TMEM9: variants seen among roughly 807,000 people sequenced by gnomAD.
TMEM9 encodes the protein proton-transporting V-type ATPase complex assembly regulator TMEM9.
In TMEM9, 13 loss-of-function variants were observed where a neutral mutation model predicts 22.8. The ratio of observed to expected loss-of-function variants is 0.57; its 90% CI spans 0.37 to 0.91. The LOEUF (loss-of-function observed/expected upper bound fraction) is 0.91. TMEM9 is among the 40% of genes least tolerant of loss of function. TMEM9 has a pLI of 0.01. For missense variants in TMEM9, 182 were observed against 238.1 expected (o/e 0.76, Z 1.55); for synonymous variants, 88 against 93.0 (o/e 0.95, Z 0.31).
intron 1 of TMEM9, among the ~76,000 whole-genome samples, chr1:201,162,290 C>T (rs1049470223): frequency 4.6e-5 from 7 of 151,936 alleles, no homozygotes; most frequent in African/African-American, 1.7e-4. Context: ...GCTACCATGC[C>T]AGGCTAATTT....
intron 1 of TMEM9, among the ~76,000 whole-genome samples, chr1:201,169,003 A>G (rs901683331): frequency 8.1e-5 from 11 of 136,246 alleles, no homozygotes; most frequent in Non-Finnish European, 1.2e-4. Flanking sequence ...GGGTCTCACT[A>G]CGTTGCCCGA....
Position 201,143,917 on chromosome 1 carries a change from G to A in TMEM9, c.302C>T (p.Ala101Val). 2 of 1,614,118 alleles carry A rather than the reference G, an allele frequency of 1.2e-6. No individual in the cohort carries two copies. Residue 101 changes from alanine to valine, a missense_variant, in exon 4 of 5, where the codon GCC becomes GTC. Transcript: ENST00000367330. ...IIVIYLSVVG[A>V]LLLYMAFLML... Reference sequence around the variant, plus strand: ...CAGGAAGGCCATGTAGAGCAACAGGGCACCCACCACGGACAGGTAGATGAC... The same window carrying A: ...CAGGAAGGCCATGTAGAGCAACAGGACACCCACCACGGACAGGTAGATGAC...
intron 4 of TMEM9, 98 bp downstream of exon 4, chr1:201,143,722 G>T: frequency 8.0e-7 from 1 of 1,248,702 alleles, no homozygotes; most frequent in Non-Finnish European, 1.1e-6. Context: ...GAAGCATTTT[G>T]GGGAGGTGGG....
intron 1 of TMEM9, 111 bp downstream of exon 1, chr1:201,153,747 G>A: frequency 6.4e-7 from 1 of 1,566,554 alleles, no homozygotes; most frequent in Non-Finnish European, 8.7e-7. Flanking sequence ...TGGCCCATAG[G>A]TGAGTGAGAG....
chr1:201,160,670 C>G (rs1369467221), intron 1 of TMEM9, among the ~76,000 whole-genome samples: 4 of 150,834 alleles, frequency 2.7e-5, no homozygotes, highest in South Asian at 2.1e-4. Flanking sequence ...GGCGCAGTGG[C>G]TCAGGCCTGT....
intron 1 of TMEM9, among the ~76,000 whole-genome samples, chr1:201,167,228 C>T (rs755727159): frequency 3.9e-5 from 6 of 152,164 alleles, no homozygotes; most frequent in Non-Finnish European, 7.3e-5. Context: ...TTAATTGATG[C>T]GGGGCCAGCC....
intron 4 of TMEM9, among the ~76,000 whole-genome samples, chr1:201,136,378 C>T (rs1266810190): frequency 6.6e-6 from 1 of 152,168 alleles, no homozygotes; most frequent in Non-Finnish European, 1.5e-5. Flanking sequence ...GTCTGGCTAC[C>T]CTGAGATGGC....
rs74524553 is a variant in TMEM9 at position 201,168,084 on chromosome 1, C to T, written c.-37+3406G>A. On this transcript the variant is annotated intron_variant, in intron 1 of 5. Coordinates refer to the TMEM9 transcript ENST00000367333. ...GTTTGTGAAAATTATCCATATTGTT[C>T]TATGTAGCAGTTCATTCATTTGCAT... Among the ~76,000 whole-genome samples the T allele has an allele frequency of 3.9e-3, 590 of 152,286 alleles. 10 individuals are homozygous for T. The highest frequency in any genetic ancestry group is 0.013 in the African/African-American group (559 of 41,542).
intron 1 of TMEM9, among the ~76,000 whole-genome samples, chr1:201,165,702 T>C (rs565193609): frequency 6.6e-6 from 1 of 152,314 alleles, no homozygotes; most frequent in South Asian, 2.1e-4. Flanking sequence ...CCCAAAGTGC[T>C]GGGATTATAG....
chr1:201,153,794 C>T lies in TMEM9; in HGVS notation c.66+64G>A, dbSNP rs1309689065. 2.5e-6 allele frequency: 4 copies of T among 1,606,714 alleles called. No homozygotes were observed. The South Asian group carries it at 3.3e-5, about 13-fold the overall frequency. On this transcript the variant is annotated intron_variant, in intron 1 of 4. Coordinates refer to ENST00000367330, the MANE Select transcript of TMEM9 (RefSeq NM_001288565.2). ...GAGCAGCTGGCTACCTCTGAGTCAG[C>T]CCTGTAGACAGGGTGGCCGTGCACT...
rs1317615299 is a variant in TMEM9 at position 201,154,059 on chromosome 1, G to T, written c.-136C>A. The T allele has an allele frequency of 9.4e-7, 1 of 1,059,948 alleles. No individual in the cohort carries two copies. The highest frequency in any genetic ancestry group is 1.3e-6 in the Non-Finnish European group (1 of 752,988). The allele number at this position is 1,059,948 out of a possible 1,614,324, so 65.7% of individuals were successfully genotyped here. ...CCGGCCAAGTGGGAATGGGGTTGGGGGCTGGGCTCCAGGATTCCAAGGCCT... is the reference window on the plus strand; with the variant it reads ...CCGGCCAAGTGGGAATGGGGTTGGGTGCTGGGCTCCAGGATTCCAAGGCCT... On this transcript the variant is annotated 5_prime_UTR_variant, in exon 1 of 5. Coordinates refer to ENST00000367330, the MANE Select transcript of TMEM9 (RefSeq NM_001288565.2).
intron 4 of TMEM9, among the ~76,000 whole-genome samples, chr1:201,142,175 G>A (rs890870779): frequency 4.6e-5 from 7 of 152,136 alleles, no homozygotes; most frequent in Non-Finnish European, 1.0e-4. Context: ...CTCCACCTTC[G>A]GCCAAACTCA....
chr1:201,166,019 A>C (rs957709064), intron 1 of TMEM9, among the ~76,000 whole-genome samples: 51 of 152,318 alleles, frequency 3.3e-4, no homozygotes, highest in African/African-American at 1.2e-3. Flanking sequence ...CCTTCAGCTG[A>C]TAGAAAAATG....
chr1:201,161,809 G>C (rs771787216), intron 1 of TMEM9, among the ~76,000 whole-genome samples: 17 of 152,166 alleles, frequency 1.1e-4, no homozygotes, highest in Non-Finnish European at 2.1e-4. Flanking sequence ...TCCTTTCCCT[G>C]AGTATTAACA....
chr1:201,170,048 G>T (rs1025792124), intron 1 of TMEM9, among the ~76,000 whole-genome samples: 3 of 152,142 alleles, frequency 2.0e-5, no homozygotes, highest in African/African-American at 7.2e-5. Context: ...TTGTTGGAAA[G>T]AAGTGGGAAA....
chr1:201,136,736 T>C (rs1002175097), intron 4 of TMEM9, among the ~76,000 whole-genome samples: 4 of 152,208 alleles, frequency 2.6e-5, no homozygotes, highest in Admixed American at 6.5e-5. Context: ...GAACCTGATC[T>C]TTGGAGAGAA....
At chr1:201,166,095 A>G (rs1482574344) in intron 1 of TMEM9, among the ~76,000 whole-genome samples, 1 of 152,176 alleles carries the variant, frequency 6.6e-6, no homozygotes, top group Non-Finnish European at 1.5e-5. Flanking sequence ...CACACAGCAC[A>G]GGCACCATCC....
chr1:201,144,210 GGAA>G (rs1664770647), intron 3 of TMEM9: 1 of 391,532 alleles, frequency 2.6e-6, no homozygotes, highest in Non-Finnish European at 4.7e-6. Flanking sequence ...AGATGACAGA[GGAA>G]GAAGTCTGGA....
At chr1:201,142,033 T>C (rs1664569122) in intron 4 of TMEM9, among the ~76,000 whole-genome samples, 1 of 152,176 alleles carries the variant, frequency 6.6e-6, no homozygotes, top group Non-Finnish European at 1.5e-5. Flanking sequence ...TCCTCCCCTA[T>C]CAGAGCTGCT....
Sources: gnomAD v4.1 joint callset for allele counts (sites outside exome capture counted in the v4.1 genomes callset) on GRCh38, gnomAD v4.1.1 for gene constraint, MANE v1.5 for transcripts, NCBI Gene and HGNC (gene_info 2026-07-23, HGNC 2026-07-21) for gene names.